PCDH7: variants seen among roughly 807,000 people sequenced by gnomAD.
The protein encoded by PCDH7 is protocadherin-7.
A neutral mutation model predicts 58.9 loss-of-function variants in PCDH7; 17 were observed. The observed-to-expected ratio is 0.29, with a 90% CI of 0.20 to 0.43. The LOEUF is 0.43. Among genes scored for constraint, PCDH7 ranks in the 20% least tolerant of loss-of-function variants. The pLI, the probability that PCDH7 is intolerant of heterozygous loss-of-function variation, is 1.00. For synonymous variants in PCDH7, 664 were observed against 616.4 expected, an observed-to-expected ratio of 1.08 and a Z score of -1.14; for missense variants, 1,274 against 1,441.0, an observed-to-expected ratio of 0.88 and a Z score of 1.88.
chr4:30,811,581 G>A (rs1727021246), intron 1 of PCDH7, among the ~76,000 whole-genome samples: 1 of 152,202 alleles, frequency 6.6e-6, no homozygotes, highest in South Asian at 2.1e-4. Context: ...TCAGGGTACA[G>A]TAGGTACAGA....
At chr4:30,971,908 C>A (rs975746962) in intron 3 of PCDH7, among the ~76,000 whole-genome samples, 1 of 152,144 alleles carries the variant, frequency 6.6e-6, no homozygotes, top group Non-Finnish European at 1.5e-5. Context: ...GCTGCATGAG[C>A]GGTGATTATA....
At chr4:31,013,556 T>C (rs890903340) in intron 3 of PCDH7, among the ~76,000 whole-genome samples, 1 of 148,632 alleles carries the variant, frequency 6.7e-6, no homozygotes, top group Admixed American at 6.8e-5. Context: ...ATAGTCTCCT[T>C]TCCCAGAGAA....
rs772089942 is a variant in PCDH7 at position 31,122,495 on chromosome 4, G to A, written c.*8-19978G>A. Reference sequence around the variant, plus strand: ...TTGTTTAGCCTACTTAACATGCAGAGCAGGAAGCTGTTTTCTAACTTTTCC... The same window carrying A: ...TTGTTTAGCCTACTTAACATGCAGAACAGGAAGCTGTTTTCTAACTTTTCC... On this transcript the variant is annotated intron_variant, in intron 3 of 3. Transcript: ENST00000509759. Among the ~76,000 whole-genome samples the A allele has an allele frequency of 6.2e-4, 95 of 152,200 alleles. 2 individuals are homozygous for A. The highest frequency in any genetic ancestry group is 3.4e-3 in the Middle Eastern group (1 of 294).
chr4:30,765,398 T>TC (rs539290848), intron 1 of PCDH7, among the ~76,000 whole-genome samples: 2 of 152,100 alleles, frequency 1.3e-5, no homozygotes, highest in Non-Finnish European at 2.9e-5. Flanking sequence ...CAAGGATTTT[T>TC]CTTTAACATT....
At chr4:31,079,447 A>G (rs1295403740) in intron 3 of PCDH7, among the ~76,000 whole-genome samples, 4 of 149,330 alleles carry the variant, frequency 2.7e-5, no homozygotes, top group East Asian at 3.9e-4. Context: ...AAGTTGCTCG[A>G]TATCTCTAGT....
At position 31,097,618 on chromosome 4, in the gene PCDH7, ATATATATATATATAT is replaced by A. The variant is rs1378858798; in HGVS notation, c.*8-44854_*8-44840del. Among the ~76,000 whole-genome samples the A allele has an allele frequency of 4.0e-4, 15 of 37,582 alleles. 1 individual carries two copies. The highest frequency in any genetic ancestry group is 3.9e-3 in the East Asian group (1 of 254). The allele number at this position is 37,582 out of a possible 152,430, so 24.7% of individuals were successfully genotyped here. On this transcript the variant is annotated intron_variant, in intron 3 of 3. Transcript: ENST00000509759. ...TATATATATATATATATATATATAT[ATATATATATATATAT>A]ATATAAATCTTTTTTCTGTAATTTC...
At chr4:31,044,824 T>C (rs1301125780) in intron 3 of PCDH7, among the ~76,000 whole-genome samples, 1 of 151,978 alleles carries the variant, frequency 6.6e-6, no homozygotes, top group Non-Finnish European at 1.5e-5. Flanking sequence ...TGTCTTTCCT[T>C]TTCAGGAGGA....
intron 1 of PCDH7, among the ~76,000 whole-genome samples, chr4:30,871,094 TA>T (rs1735520881): frequency 6.6e-6 from 1 of 152,102 alleles, no homozygotes; most frequent in Non-Finnish European, 1.5e-5. Context: ...CATTTGTTTT[TA>T]AAAATTTCAT....
chr4:31,034,771 G>A (rs560747401), intron 3 of PCDH7, among the ~76,000 whole-genome samples: 23 of 152,226 alleles, frequency 1.5e-4, no homozygotes, highest in Admixed American at 5.2e-4. Context: ...TCTTATCTGT[G>A]AAATGCTGTA....
chr4:31,040,426 A>C (rs560752085), intron 3 of PCDH7, among the ~76,000 whole-genome samples: 1 of 152,326 alleles, frequency 6.6e-6, no homozygotes, highest in East Asian at 1.9e-4. Context: ...ATAAAGGGAA[A>C]GGATGTTCTT....
chr4:30,915,593 G>A (rs1184162903), intron 1 of PCDH7, among the ~76,000 whole-genome samples: 1 of 152,078 alleles, frequency 6.6e-6, no homozygotes, highest in East Asian at 1.9e-4. Flanking sequence ...GCGCGATCTC[G>A]GCTCACTGCA....
rs75500547 is a variant in PCDH7, at chr4:30,881,902, G to A, written c.71-38251G>A. Among the ~76,000 whole-genome samples the A allele has an allele frequency of 2.0e-3, 310 of 152,198 alleles. 7 individuals carry two copies. In the East Asian group the frequency reaches 0.048, roughly 24 times the overall value. On this transcript the variant is annotated intron_variant, in intron 1 of 3. Transcript: ENST00000509759. ...TTTAATTATTTATTTTAGCAAAGCT[G>A]AGATATAAATGTGGATTATATATAA...
chr4:30,849,308 T>TA, intron 1 of PCDH7, among the ~76,000 whole-genome samples: 1 of 152,248 alleles, frequency 6.6e-6, no homozygotes, highest in South Asian at 2.1e-4. Flanking sequence ...TCAACTACCT[T>TA]AAAGTTGAGA....
At position 30,723,779 on chromosome 4, in the gene PCDH7, G is replaced by A. The variant is rs1714173549; in HGVS notation, c.2357G>A (p.Gly786Glu). The A allele has an allele frequency of 6.2e-7, 1 of 1,613,976 alleles. No homozygotes were observed. The highest frequency in any genetic ancestry group is 1.3e-5 in the African/African-American group (1 of 74,924). Residue 786 changes from glycine to glutamate, a missense_variant, in exon 1 of 2, where the codon GGA (glycine) becomes GAA (glutamate). Gly to Glu is a moderately conservative substitution (Grantham distance 98). Coordinates refer to ENST00000361762, the Ensembl canonical transcript of PCDH7. The surrounding 1 kb of genome is among the most constrained non-coding windows in gnomAD (Gnocchi z 4.6). The stretch of plus-strand genomic sequence containing the variant: ...GACCTGAACTACAGCATTGTGGGAG[G>A]AAATCCCTTCAAGCTGTTTGAAATT...
Position 31,079,349 on chromosome 4 carries a change from TATATATATATATATAC to T in PCDH7, c.*8-63122_*8-63107del, listed in dbSNP as rs1325212526. ...ATATATATATATATATATATATATA[TATATATATATATATAC>T]ACCACATTTTCAAAATAGACAGAAT... On this transcript the variant is annotated intron_variant, in intron 3 of 3. Transcript: ENST00000509759. Among the ~76,000 whole-genome samples the T allele has an allele frequency of 4.9e-4, 44 of 90,512 alleles. 2 individuals are homozygous for T. Among genetic ancestry groups the T allele is most frequent in the African/African-American group, 1.6e-3 (33 of 20,218 alleles). 59.4% of individuals were successfully genotyped at this position (90,512 alleles called of 152,430 possible).
At chr4:31,120,703 CT>C (rs1717586832) in intron 3 of PCDH7, among the ~76,000 whole-genome samples, 1 of 152,138 alleles carries the variant, frequency 6.6e-6, no homozygotes, top group African/African-American at 2.4e-5. Flanking sequence ...GGGTAATTAA[CT>C]TGCATAAACC....
chr4:31,010,439 T>G (rs1753084216), intron 3 of PCDH7, among the ~76,000 whole-genome samples: 1 of 152,002 alleles, frequency 6.6e-6, no homozygotes. Flanking sequence ...ATGTTTTACT[T>G]AAGGATTGTA....
intron 1 of PCDH7, among the ~76,000 whole-genome samples, chr4:30,835,101 G>A (rs1730313036): frequency 6.6e-6 from 1 of 152,030 alleles, no homozygotes; most frequent in Non-Finnish European, 1.5e-5. Context: ...ACATCTTCTG[G>A]GGTTTGCTGT....
chr4:30,750,247 C>G (rs1028361857), intron 1 of PCDH7, among the ~76,000 whole-genome samples: 5 of 152,042 alleles, frequency 3.3e-5, no homozygotes, highest in African/African-American at 1.2e-4. Context: ...GAAGGCTGTC[C>G]AAAGTGGCCC....
Sources: allele counts gnomAD v4.1 joint callset (sites outside exome capture counted in the v4.1 genomes callset), GRCh38; gene constraint gnomAD v4.1.1; non-coding constraint Gnocchi (gnomAD v3.1); transcripts MANE v1.5; gene names NCBI Gene and HGNC (gene_info 2026-07-23, HGNC 2026-07-21).